LARGE1: variants seen among roughly 807,000 people sequenced by gnomAD.
The protein encoded by LARGE1 is xylosyl- and glucuronyltransferase LARGE1.
In LARGE1, 43 loss-of-function variants were observed where a neutral mutation model predicts 87.6. The observed-to-expected ratio is 0.49, with a 90% confidence interval of 0.38 to 0.63. The LOEUF (loss-of-function observed/expected upper bound fraction) is 0.63, where lower values mean the gene tolerates loss of function less well. Ranked by LOEUF, LARGE1 falls within the 30% of genes least tolerant of loss-of-function variation. LARGE1 has a pLI of 0.00. For missense variants in LARGE1, 802 were observed against 1,000.2 expected (o/e 0.80, Z 2.67); for synonymous variants, 434 against 394.6 (o/e 1.10, Z -1.18).
At chr22:33,708,059 C>T (rs2082614627) in intron 2 of LARGE1, among the ~76,000 whole-genome samples, 1 of 152,140 alleles carries the variant, frequency 6.6e-6, no homozygotes, top group Non-Finnish European at 1.5e-5. Flanking sequence ...GATCCAGTCC[C>T]AAATATCACC....
At chr22:33,110,232 G>A in the LARGE1 span, among the ~76,000 whole-genome samples, 1 of 152,168 alleles carries the variant, frequency 6.6e-6, no homozygotes, top group African/African-American at 2.4e-5. Context: ...CATCTGCAGG[G>A]GTGGGGCCTG....
intron 12 of LARGE1, among the ~76,000 whole-genome samples, chr22:33,295,248 T>C (rs1288614758): frequency 6.6e-6 from 1 of 152,130 alleles, no homozygotes; most frequent in African/African-American, 2.4e-5. Flanking sequence ...TGGCAAGGTG[T>C]GTGGGCATGA....
chr22:33,744,184 T>C (rs762924630), intron 2 of LARGE1: 3 of 152,228 alleles, frequency 2.0e-5, no homozygotes, highest in Admixed American at 6.5e-5. Context: ...AAAACAAGTA[T>C]CTGCAATTTG....
intron 6 of LARGE1, among the ~76,000 whole-genome samples, chr22:33,453,114 C>T (rs967414632): frequency 1.3e-5 from 2 of 152,152 alleles, no homozygotes; most frequent in Non-Finnish European, 2.9e-5. Context: ...AAAGCTAAGA[C>T]ATTGAAAGGT....
At chr22:33,283,790 G>T (rs1930952586) in intron 12 of LARGE1, among the ~76,000 whole-genome samples, 1 of 141,580 alleles carries the variant, frequency 7.1e-6, no homozygotes, top group Non-Finnish European at 1.5e-5. Context: ...AAAGGTGGGG[G>T]GAAGAAAGAG....
At chr22:33,515,693 G>A (rs1295373557) in intron 6 of LARGE1, among the ~76,000 whole-genome samples, 1 of 152,082 alleles carries the variant, frequency 6.6e-6, no homozygotes, top group East Asian at 1.9e-4. Context: ...AGTAGTCCCC[G>A]GACTTAATCT....
At chr22:33,186,827 A>G (rs1461402979) in intron 11 of LARGE1, among the ~76,000 whole-genome samples, 1 of 152,198 alleles carries the variant, frequency 6.6e-6, no homozygotes, top group Non-Finnish European at 1.5e-5. Context: ...GTGTCTCTAC[A>G]TGTTAGCAGC....
At chr22:33,306,601 G>A (rs1934958828) in intron 11 of LARGE1, among the ~76,000 whole-genome samples, 2 of 152,096 alleles carry the variant, frequency 1.3e-5, no homozygotes, top group South Asian at 2.1e-4. Context: ...GGCCAGGAGC[G>A]GTGGCTCATG....
At chr22:33,565,764 C>T (rs1353915677) in intron 5 of LARGE1, among the ~76,000 whole-genome samples, 3 of 143,286 alleles carry the variant, frequency 2.1e-5, no homozygotes, top group Admixed American at 1.5e-4. Flanking sequence ...GGAGCACTGA[C>T]ATTATGATCC....
chr22:33,525,941 C>A (rs955307535), intron 6 of LARGE1, among the ~76,000 whole-genome samples: 1 of 152,138 alleles, frequency 6.6e-6, no homozygotes, highest in Non-Finnish European at 1.5e-5. Context: ...GGAATATACT[C>A]AAGAGAACTG....
chr22:33,600,013 C>T (rs1246629319), intron 5 of LARGE1, among the ~76,000 whole-genome samples: 3 of 152,104 alleles, frequency 2.0e-5, no homozygotes, highest in Admixed American at 6.5e-5. Context: ...CTTATCTATG[C>T]GACTTCAGGG....
intron 6 of LARGE1, among the ~76,000 whole-genome samples, chr22:33,560,883 C>T (rs540833706): frequency 2.6e-5 from 4 of 151,514 alleles, no homozygotes; most frequent in African/African-American, 7.3e-5. Context: ...GGCGCCATCT[C>T]GGCTTACTGC....
downstream of LARGE1, among the ~76,000 whole-genome samples, chr22:33,268,716 C>T (rs992313350): frequency 6.6e-6 from 1 of 152,100 alleles, no homozygotes; most frequent in Middle Eastern, 3.2e-3. Context: ...CATGAGCCAC[C>T]GCGCCCGGCC....
At chr22:33,919,582 T>G (rs1057382876) in intron 1 of LARGE1, among the ~76,000 whole-genome samples, 6 of 152,200 alleles carry the variant, frequency 3.9e-5, no homozygotes, top group Non-Finnish European at 1.5e-5. Context: ...ACAAGAAAAG[T>G]TATTCACAGC....
chr22:33,201,397 G>C (rs1924381188), intron 11 of LARGE1, among the ~76,000 whole-genome samples: 1 of 148,384 alleles, frequency 6.7e-6, no homozygotes, highest in South Asian at 2.2e-4. Context: ...GAAAGAAGGA[G>C]AGAAGGAAGA....
Position 33,502,912 on chromosome 22 carries a change from G to A in LARGE1, c.787+61936C>T, listed in dbSNP as rs564108166. On this transcript the variant is annotated intron_variant, in intron 6 of 14. Transcript: ENST00000397394. ...GAGTCCCTGCTATGCTCTAGGCCTC[G>A]TACCAGGCTTTTACACATCATATCT... 2.0e-4 allele frequency among the ~76,000 whole-genome samples: 31 copies of A among 152,214 alleles called. No homozygotes were observed. In the South Asian group the frequency reaches 5.0e-3, roughly 24 times the overall value.
At chr22:33,324,532 C>T (rs11913092) in intron 10 of LARGE1, among the ~76,000 whole-genome samples, 7,100 of 152,240 alleles carry the variant, frequency 0.047, 286 homozygotes, top group African/African-American at 0.12. Context: ...ATTTGCTAAA[C>T]TGCTTCTTTG....
the LARGE1 span, among the ~76,000 whole-genome samples, chr22:33,120,363 T>C: frequency 3.5e-5 from 3 of 84,908 alleles, no homozygotes; most frequent in African/African-American, 1.7e-4. Context: ...TTTCTTTTTC[T>C]TTCTTTCTTT....
At chr22:33,650,760 G>A (rs1465348339) in intron 2 of LARGE1, 92 bp from the exon 3 acceptor site, 2 of 1,419,066 alleles carry the variant, frequency 1.4e-6, no homozygotes, top group East Asian at 2.4e-5. Context: ...TACATGGCGA[G>A]GCTCCTTGCA....
Sources: allele counts gnomAD v4.1 joint callset (sites outside exome capture counted in the v4.1 genomes callset), GRCh38; gene constraint gnomAD v4.1.1; transcripts MANE v1.5; gene names NCBI Gene and HGNC (gene_info 2026-07-23, HGNC 2026-07-21).